The following FUT8 variants were observed in gnomAD, a reference collection of about 807,000 sequenced individuals.
The protein encoded by FUT8 is fucosyltransferase 8, also known as alpha-(1,6)-fucosyltransferase.
A neutral mutation model predicts 71.3 loss-of-function variants in FUT8; 29 were observed. That is an observed-to-expected ratio of 0.41 (90% CI 0.30 to 0.55). The LOEUF is 0.55. FUT8 is among the 20% of genes least tolerant of loss of function. The pLI is 0.34. For missense variants in FUT8, 544 were observed against 702.1 expected (o/e 0.77, Z 2.55); for synonymous variants, 254 against 239.3 (o/e 1.06, Z -0.57).
chr14:65,475,120 C>T (rs2139656534), intron 2 of FUT8, among the ~76,000 whole-genome samples: 1 of 152,270 alleles, frequency 6.6e-6, no homozygotes, highest in South Asian at 2.1e-4. Flanking sequence ...CCAATCTTGT[C>T]TCGCTTTTTC....
At chr14:65,667,288 CA>C (rs1892265895) in intron 6 of FUT8, among the ~76,000 whole-genome samples, 1 of 152,090 alleles carries the variant, frequency 6.6e-6, no homozygotes, top group African/African-American at 2.4e-5. Context: ...ATTCCCTACC[CA>C]AAAGCTCCTA....
intron 7 of FUT8, among the ~76,000 whole-genome samples, chr14:65,707,905 C>G (rs1309368644): frequency 1.3e-5 from 2 of 152,126 alleles, no homozygotes; most frequent in Non-Finnish European, 2.9e-5. Flanking sequence ...GGTCTGGTGC[C>G]TCCAGCTTTG....
intron 1 of FUT8, among the ~76,000 whole-genome samples, chr14:65,419,119 T>C (rs910587500): frequency 6.6e-6 from 1 of 151,596 alleles, no homozygotes; most frequent in Admixed American, 6.6e-5. Context: ...TCGTAGCTAC[T>C]TGGGAGGCTG....
At chr14:65,624,056 C>T (rs1227941491) in intron 5 of FUT8, among the ~76,000 whole-genome samples, 8 of 151,914 alleles carry the variant, frequency 5.3e-5, no homozygotes, top group Admixed American at 3.9e-4. Context: ...TGTCTTTGAC[C>T]AAAAAATAAA....
intron 2 of FUT8, among the ~76,000 whole-genome samples, chr14:65,465,379 C>T (rs932785586): frequency 1.3e-5 from 2 of 151,954 alleles, no homozygotes; most frequent in Non-Finnish European, 2.9e-5. Context: ...ATTATGTTGC[C>T]CAGGCTGGTC....
the FUT8 span, among the ~76,000 whole-genome samples, chr14:65,382,936 C>T: frequency 6.6e-6 from 1 of 151,944 alleles, no homozygotes; most frequent in Non-Finnish European, 1.5e-5. Context: ...AGAACTTCTT[C>T]TGTGTTATAG....
At chr14:65,561,915 T>C in intron 3 of FUT8, 149 bp downstream of exon 3, 1 of 701,246 alleles carries the variant, frequency 1.4e-6, no homozygotes. Context: ...TATCTCTGTG[T>C]ATTTAATACA....
At chr14:65,665,282 A>G (rs1291688805) in intron 6 of FUT8, among the ~76,000 whole-genome samples, 1 of 152,236 alleles carries the variant, frequency 6.6e-6, no homozygotes, top group Non-Finnish European at 1.5e-5. Flanking sequence ...TTTTAAGATA[A>G]TTTGAGTTTC....
At chr14:65,728,611 C>T (rs189377869) in intron 9 of FUT8, among the ~76,000 whole-genome samples, 5 of 152,290 alleles carry the variant, frequency 3.3e-5, no homozygotes, top group East Asian at 3.9e-4. Context: ...TTTCAGTCAG[C>T]GATGAAACAC....
At chr14:65,632,910 G>T (rs1230624318) in intron 6 of FUT8, among the ~76,000 whole-genome samples, 1 of 151,858 alleles carries the variant, frequency 6.6e-6, no homozygotes, top group African/African-American at 2.4e-5. Context: ...GAGAGATGAG[G>T]ATTCAGTTTC....
intron 7 of FUT8, among the ~76,000 whole-genome samples, chr14:65,677,166 GCGCGCA>G (rs1566890673): frequency 1.7e-5 from 2 of 118,692 alleles, no homozygotes; most frequent in African/African-American, 7.8e-5. Flanking sequence ...GCGCGCATGC[GCGCGCA>G]CGTATGTGTG....
At chr14:65,594,928 G>T (rs959238897) in intron 3 of FUT8, among the ~76,000 whole-genome samples, 1 of 152,080 alleles carries the variant, frequency 6.6e-6, no homozygotes, top group Admixed American at 6.6e-5. Context: ...GGCAGCATTC[G>T]ATTGGTAAAA....
the FUT8 span, among the ~76,000 whole-genome samples, chr14:65,366,251 A>G: frequency 3.9e-5 from 6 of 152,218 alleles, no homozygotes; most frequent in African/African-American, 1.2e-4. Context: ...AAATATTATG[A>G]AGAAAATGAG....
intron 2 of FUT8, among the ~76,000 whole-genome samples, chr14:65,559,813 A>G (rs1463389837): frequency 6.6e-6 from 1 of 152,080 alleles, no homozygotes; most frequent in African/African-American, 2.4e-5. Flanking sequence ...ATTGAGAAAG[A>G]GTTTTAAGAA....
intron 1 of FUT8, among the ~76,000 whole-genome samples, chr14:65,427,920 A>G (rs2065414388): frequency 6.6e-6 from 1 of 152,134 alleles, no homozygotes; most frequent in Non-Finnish European, 1.5e-5. Context: ...ATATTAATGG[A>G]ATCATACAAT....
At chr14:65,508,491 G>GT (rs34809476) in intron 2 of FUT8, among the ~76,000 whole-genome samples, 15,772 of 46,328 alleles carry the variant, frequency 0.34, 6,787 homozygotes, top group Non-Finnish European at 0.44. Flanking sequence ...AGTTGTTTGA[G>GT]TTTTTTTTTT....
chr14:65,671,184 G>T (rs1892460671), intron 7 of FUT8, among the ~76,000 whole-genome samples: 1 of 152,054 alleles, frequency 6.6e-6, no homozygotes, highest in South Asian at 2.1e-4. Context: ...CTGGTTCTAG[G>T]GGGAGACAAC....
At chr14:65,520,636 C>T (rs530617873) in intron 2 of FUT8, among the ~76,000 whole-genome samples, 1 of 151,884 alleles carries the variant, frequency 6.6e-6, no homozygotes, top group East Asian at 1.9e-4. Flanking sequence ...TTATCCTCCA[C>T]AAGATCATTT....
intron 10 of FUT8, among the ~76,000 whole-genome samples, chr14:65,740,409 A>G (rs1238411328): frequency 1.3e-5 from 2 of 152,078 alleles, no homozygotes; most frequent in South Asian, 2.1e-4. Context: ...CAGATTCTCT[A>G]AGTTGAGGTG....
Sources: gnomAD v4.1 joint callset for allele counts (sites outside exome capture counted in the v4.1 genomes callset) on GRCh38, gnomAD v4.1.1 for gene constraint, MANE v1.5 for transcripts, NCBI Gene and HGNC (gene_info 2026-07-23, HGNC 2026-07-21) for gene names.